CASP8: variants seen among roughly 807,000 people sequenced by gnomAD.
CASP8 encodes the protein caspase 8.
In CASP8, 24 loss-of-function variants were observed where a neutral mutation model predicts 46.3. The observed-to-expected ratio is 0.52, with a 90% confidence interval of 0.38 to 0.73. CASP8 has a LOEUF of 0.73. Ranked by LOEUF, CASP8 falls within the 30% of genes least tolerant of loss-of-function variation. The pLI is 0.00. For missense variants in CASP8, 460 were observed against 559.0 expected (o/e 0.82, Z 1.79); for synonymous variants, 188 against 200.4 (o/e 0.94, Z 0.52).
At position 201,285,207 on chromosome 2, in the gene CASP8, C is replaced by CTTTCTGCTGGGGATGGCCA. The variant is rs1279975597; in HGVS notation, c.1195_1213dup (p.Thr405IlefsTer10). On this transcript the variant is annotated frameshift_variant, in exon 8 of 9. Transcript: ENST00000673742. LOFTEE classifies it high-confidence loss of function. ...CGAGATATATCCCGGATGAGGCTGA[C>CTTTCTGCTGGGGATGGCCA]TTTCTGCTGGGGATGGCCACTGTGA... is the stretch of plus-strand genomic sequence containing the variant. The CTTTCTGCTGGGGATGGCCA allele has an allele frequency of 6.2e-7, 1 of 1,614,250 alleles. No individual in the cohort carries two copies. Among genetic ancestry groups the CTTTCTGCTGGGGATGGCCA allele is most frequent in the Non-Finnish European group, 8.5e-7 (1 of 1,180,054 alleles).
intron 2 of CASP8, among the ~76,000 whole-genome samples, chr2:201,234,954 ACATGCAGGAGT>A (rs1037887256): frequency 6.6e-6 from 1 of 152,192 alleles, no homozygotes; most frequent in Non-Finnish European, 1.5e-5. Context: ...AATAACCTTC[ACATGCAGGAGT>A]CACTATTACA....
intron 2 of CASP8, among the ~76,000 whole-genome samples, chr2:201,253,293 CTT>C (rs34341476): frequency 0.053 from 3,581 of 67,680 alleles, 117 homozygotes; most frequent in African/African-American, 0.12. Flanking sequence ...CTAGCCTGAT[CTT>C]TTTTTTTTTT....
chr2:201,256,398 G>C (rs1018236652), upstream of CASP8, among the ~76,000 whole-genome samples: 12 of 152,242 alleles, frequency 7.9e-5, no homozygotes, highest in African/African-American at 2.9e-4. Context: ...CTGTTCAGAA[G>C]TGGAAATGAG....
At chr2:201,244,275 ATATT>A (rs1341139703) in intron 2 of CASP8, among the ~76,000 whole-genome samples, 3 of 152,242 alleles carry the variant, frequency 2.0e-5, no homozygotes, top group Non-Finnish European at 2.9e-5. Flanking sequence ...CAGGAACAAA[ATATT>A]TATTTGTGGG....
intron 1 of CASP8, chr2:201,262,356 T>G (rs1947480610): frequency 6.6e-6 from 1 of 151,654 alleles, no homozygotes. Flanking sequence ...TATATATCAT[T>G]TATTTATATG....
chr2:201,276,823 C>T lies in CASP8; in HGVS notation c.661-4C>T, dbSNP rs748072923. The T allele has an allele frequency of 6.2e-7, 1 of 1,613,844 alleles. No individual in the cohort carries two copies. The highest frequency in any genetic ancestry group is 8.5e-7 in the Non-Finnish European group (1 of 1,179,866). On this transcript the variant is annotated splice_polypyrimidine_tract_variant and splice_region_variant and intron_variant, in intron 6 of 8. Transcript: ENST00000673742. ...AGCTCCTGGGTTGGGTTTTTGTTTT[C>T]CAGACTTTGGACAAAGTTTACCAAA...
chr2:201,243,343 A>G lies in CASP8; in HGVS notation c.-27+9231A>G, dbSNP rs76969853. ...ATTTCCATTTAATTAAAAGCAATGA[A>G]TAGTCAATTTACACACAAGACAATT... On this transcript the variant is annotated intron_variant, in intron 2 of 6. Transcript: ENST00000264274. 2.4e-3 allele frequency among the ~76,000 whole-genome samples: 365 copies of G among 152,336 alleles called. 9 individuals carry two copies. In the East Asian group the frequency reaches 0.058, roughly 24 times the overall value.
chr2:201,247,792 C>G (rs561489293), intron 2 of CASP8, among the ~76,000 whole-genome samples: 1 of 152,148 alleles, frequency 6.6e-6, no homozygotes, highest in East Asian at 1.9e-4. Context: ...CTACAGGTGC[C>G]CGCCACCACA....
chr2:201,241,345 TAAAC>T (rs1438977014), intron 2 of CASP8: 1 of 151,992 alleles, frequency 6.6e-6, no homozygotes, highest in Non-Finnish European at 1.5e-5. Context: ...AAGACTCAAA[TAAAC>T]AATATCAGAA....
intron 7 of CASP8, chr2:201,277,692 C>T (rs984550752): frequency 7.5e-5 from 33 of 440,264 alleles, no homozygotes; most frequent in African/African-American, 6.9e-4. Flanking sequence ...CTGTAATGGC[C>T]CCTATTAACA....
rs1481547452 is a variant in CASP8 at position 201,266,168 on chromosome 2, C to T, written c.-26-293C>T. Among the ~76,000 whole-genome samples, 1 of 152,086 alleles carries T rather than the reference C, an allele frequency of 6.6e-6. No homozygotes were observed. The highest frequency in any genetic ancestry group is 1.5e-5 in the Non-Finnish European group (1 of 68,014). ...CTAATTTTTGCACTTTTAGTAGAGA[C>T]GGGGTTTCACCATGTTAGTCAGGCT... On this transcript the variant is annotated intron_variant, in intron 1 of 8. Transcript: ENST00000673742. The surrounding 1 kb of genome is among the most constrained non-coding windows in gnomAD (Gnocchi z 5.7).
At chr2:201,257,764 A>G (rs576973231), upstream of CASP8, among the ~76,000 whole-genome samples, 1 of 152,250 alleles carries the variant, frequency 6.6e-6, no homozygotes, top group South Asian at 2.1e-4. Flanking sequence ...GAGGGAGGAG[A>G]GGGCTGGTCT....
At chr2:201,255,302 T>A (rs2125025225) in intron 2 of CASP8, among the ~76,000 whole-genome samples, 2 of 152,286 alleles carry the variant, frequency 1.3e-5, no homozygotes, top group East Asian at 3.9e-4. Context: ...GGTCTCAAAC[T>A]CCTGGCTTCA....
rs191988178 is a variant in CASP8 at position 201,239,418 on chromosome 2, G to C, written c.-27+5306G>C. Reference sequence around the variant, plus strand: ...GGGGCTGACCCCCCACCTCCCTCCCGGACGGGGCGGCTTCCTTACTTTTTA... The same window carrying C: ...GGGGCTGACCCCCCACCTCCCTCCCCGACGGGGCGGCTTCCTTACTTTTTA... On this transcript the variant is annotated intron_variant, in intron 2 of 6. Coordinates refer to the CASP8 transcript ENST00000264274. Among the ~76,000 whole-genome samples, 3 of 152,128 alleles carry C rather than the reference G, an allele frequency of 2.0e-5. No individual in the cohort carries two copies. The South Asian group carries it at 6.2e-4, about 32-fold the overall frequency.
upstream of CASP8, among the ~76,000 whole-genome samples, chr2:201,260,217 T>C (rs1947291040): frequency 6.6e-6 from 1 of 152,130 alleles, no homozygotes; most frequent in African/African-American, 2.4e-5. Flanking sequence ...CAGAAAAATC[T>C]TTAAATCCTA....
chr2:201,254,286 A>G (rs1281860282), intron 2 of CASP8, among the ~76,000 whole-genome samples: 1 of 152,226 alleles, frequency 6.6e-6, no homozygotes, highest in Non-Finnish European at 1.5e-5. Context: ...TAAATGCCCC[A>G]TGACTGTCTG....
intron 2 of CASP8, 152 bp from the exon 3 acceptor site, chr2:201,271,364 G>C: frequency 1.5e-6 from 1 of 686,292 alleles, no homozygotes; most frequent in Non-Finnish European, 2.7e-6. Context: ...CACCACACCA[G>C]CCTCTTTCCA....
At chr2:201,252,684 G>A (rs151003450) in intron 2 of CASP8, among the ~76,000 whole-genome samples, 64 of 152,308 alleles carry the variant, frequency 4.2e-4, no homozygotes, top group Non-Finnish European at 6.5e-4. Flanking sequence ...GTCATGTCAG[G>A]TGAGAGATGA....
At position 201,287,115 on chromosome 2, in the gene CASP8, A is replaced by T. The variant is rs1377052908; in HGVS notation, c.*521A>T. On this transcript the variant is annotated 3_prime_UTR_variant, in exon 9 of 9. Coordinates refer to ENST00000673742, the MANE Select transcript of CASP8 (RefSeq NM_001372051.1). ...GGCAATAAATACCAGACACGTACAA[A>T]ATCCAGCTATGAATATAGAGGGCTT... is the stretch of plus-strand genomic sequence containing the variant. 5.8e-6 allele frequency: 1 copy of T among 170,952 alleles called. No homozygotes were observed. Among genetic ancestry groups the T allele is most frequent in the Non-Finnish European group, 1.3e-5 (1 of 77,498 alleles). 10.6% of individuals were successfully genotyped at this position (170,952 alleles called of 1,614,324 possible).
Sources: allele counts gnomAD v4.1 joint callset (sites outside exome capture counted in the v4.1 genomes callset), GRCh38; gene constraint gnomAD v4.1.1; non-coding constraint Gnocchi (gnomAD v3.1); transcripts MANE v1.5; gene names NCBI Gene and HGNC (gene_info 2026-07-23, HGNC 2026-07-21).